Variants in RRAS2 observed in about 807,000 individuals in gnomAD.
RRAS2 encodes ras-related protein R-Ras2.
A neutral mutation model predicts 27.6 loss-of-function variants in RRAS2; 7 were observed. The observed-to-expected ratio is 0.25, with a 90% CI of 0.14 to 0.48. The LOEUF is 0.48. RRAS2 is among the 20% of genes least tolerant of loss of function. RRAS2 has a pLI of 0.99. For missense variants in RRAS2, 178 were observed against 256.2 expected, an observed-to-expected ratio of 0.69 and a Z score of 2.08; for synonymous variants, 86 against 90.9, an observed-to-expected ratio of 0.95 and a Z score of 0.31.
At chr11:14,332,242 A>C (rs1848494625) in intron 1 of RRAS2, among the ~76,000 whole-genome samples, 1 of 152,244 alleles carries the variant, frequency 6.6e-6, no homozygotes, top group Non-Finnish European at 1.5e-5. Context: ...AGCTTTATTC[A>C]CAGTTAATGA....
At chr11:14,322,365 A>G (rs1848245791) in intron 1 of RRAS2, among the ~76,000 whole-genome samples, 1 of 151,902 alleles carries the variant, frequency 6.6e-6, no homozygotes, top group South Asian at 2.1e-4. Context: ...ACTTGAGTGC[A>G]GGAGGTTGAG....
intron 1 of RRAS2, among the ~76,000 whole-genome samples, chr11:14,332,418 T>C (rs931150603): frequency 6.6e-6 from 1 of 152,146 alleles, no homozygotes; most frequent in Non-Finnish European, 1.5e-5. Flanking sequence ...GGAGGCCCAC[T>C]TGAGCCTGGG....
chr11:14,326,851 G>C lies in RRAS2; in HGVS notation c.109-30996C>G, dbSNP rs1848369431. Among the ~76,000 whole-genome samples, 2 of 17,106 alleles carry C rather than the reference G, an allele frequency of 1.2e-4. 1 individual carries two copies. The highest frequency in any genetic ancestry group is 7.0e-3 in the South Asian group (2 of 286). The allele number at this position is 17,106 out of a possible 152,430, so 11.2% of individuals were successfully genotyped here. On this transcript the variant is annotated intron_variant, in intron 1 of 5. Coordinates refer to ENST00000256196, the MANE Select transcript of RRAS2 (RefSeq NM_012250.6). Reference sequence around the variant, plus strand: ...CGAGGCGGGCGGATCACGAGGTCAGGAGATCGAGACCATCCCGGCTAAAAC... The same window carrying C: ...CGAGGCGGGCGGATCACGAGGTCAGCAGATCGAGACCATCCCGGCTAAAAC...
At chr11:14,343,639 T>TG (rs1279670481) in intron 1 of RRAS2, among the ~76,000 whole-genome samples, 3 of 151,954 alleles carry the variant, frequency 2.0e-5, no homozygotes, top group African/African-American at 7.3e-5. Context: ...GACAACAGCC[T>TG]GGGCAGCACG....
chr11:14,282,713 C>A (rs1554944512), intron 4 of RRAS2, among the ~76,000 whole-genome samples: 1 of 151,524 alleles, frequency 6.6e-6, no homozygotes, highest in Non-Finnish European at 1.5e-5. Flanking sequence ...GAATCATGTT[C>A]TTTTGGTCAT....
intron 1 of RRAS2, among the ~76,000 whole-genome samples, chr11:14,313,256 T>C (rs782209046): frequency 2.6e-5 from 4 of 152,236 alleles, no homozygotes; most frequent in East Asian, 1.9e-4. Context: ...AATTATAGCT[T>C]GTCTGTATGT....
intron 2 of RRAS2, 60 bp from the exon 3 acceptor site, chr11:14,294,922 G>GGCAA (rs1287135495): frequency 1.4e-6 from 2 of 1,431,556 alleles, no homozygotes; most frequent in Non-Finnish European, 2.0e-6. Flanking sequence ...TCCCCACAAG[G>GGCAA]GCAAGACCAA....
intron 1 of RRAS2, among the ~76,000 whole-genome samples, chr11:14,311,469 C>A (rs1847965024): frequency 6.6e-6 from 1 of 152,178 alleles, no homozygotes; most frequent in Non-Finnish European, 1.5e-5. Flanking sequence ...CTGGTTCAAG[C>A]AATTTTCCTG....
chr11:14,310,109 T>C (rs1847926320), intron 1 of RRAS2, among the ~76,000 whole-genome samples: 1 of 152,236 alleles, frequency 6.6e-6, no homozygotes, highest in Non-Finnish European at 1.5e-5. Flanking sequence ...TGGATGTAGA[T>C]ACAGAGTCTG....
At chr11:14,298,973 T>C (rs1482504936) in intron 1 of RRAS2, among the ~76,000 whole-genome samples, 1 of 152,156 alleles carries the variant, frequency 6.6e-6, no homozygotes, top group African/African-American at 2.4e-5. Flanking sequence ...TGATGAAGTG[T>C]CGTGGGTTTA....
At chr11:14,331,413 T>G (rs1017887940) in intron 1 of RRAS2, among the ~76,000 whole-genome samples, 8 of 151,970 alleles carry the variant, frequency 5.3e-5, no homozygotes, top group Non-Finnish European at 1.2e-4. Context: ...GCAAATAACA[T>G]TAAAGGAAAA....
chr11:14,316,267 C>T (rs1554949517), intron 1 of RRAS2, among the ~76,000 whole-genome samples: 1 of 152,192 alleles, frequency 6.6e-6, no homozygotes, highest in African/African-American at 2.4e-5. Context: ...TTTTACTTCA[C>T]TCACATCTGC....
intron 1 of RRAS2, among the ~76,000 whole-genome samples, chr11:14,315,191 C>G (rs1338747772): frequency 6.6e-6 from 1 of 152,154 alleles, no homozygotes; most frequent in Non-Finnish European, 1.5e-5. Flanking sequence ...AGGGTTGGGG[C>G]AGGGAGCAAC....
At chr11:14,346,673 A>G (rs561108706) in intron 1 of RRAS2, among the ~76,000 whole-genome samples, 29 of 152,370 alleles carry the variant, frequency 1.9e-4, no homozygotes, top group African/African-American at 7.0e-4. Context: ...AAAGCATAGT[A>G]ACTATAGTTA....
chr11:14,291,849 G>A (rs1355137396), intron 4 of RRAS2, among the ~76,000 whole-genome samples: 1 of 152,208 alleles, frequency 6.6e-6, no homozygotes, highest in Admixed American at 6.5e-5. Context: ...CATGGGACCA[G>A]AAGTGTTTGG....
upstream of RRAS2, among the ~76,000 whole-genome samples, chr11:14,364,111 G>T (rs1849223739): frequency 6.6e-6 from 1 of 152,152 alleles, no homozygotes; most frequent in Admixed American, 6.5e-5. Context: ...CACCACCACA[G>T]CAAGAACTCT....
At chr11:14,295,931 G>A in intron 1 of RRAS2, 76 bp from the exon 2 acceptor site, 1 of 1,316,846 alleles carries the variant, frequency 7.6e-7, no homozygotes. Context: ...CCTATGCTCT[G>A]GGAGGCCGAG....
rs1477112125 is a variant in RRAS2, at chr11:14,359,028, G to A, written c.-158C>T. ...GTCTGGAGGGCCGGTCAGCGCGGTAGCGCGGCGCTGGGGACTGGCTGGGTA... is the reference window on the plus strand; with the variant it reads ...GTCTGGAGGGCCGGTCAGCGCGGTAACGCGGCGCTGGGGACTGGCTGGGTA... On this transcript the variant is annotated 5_prime_UTR_variant, in exon 1 of 6. Transcript: ENST00000256196. 8.9e-7 allele frequency: 1 copy of A among 1,126,794 alleles called. No individual in the cohort carries two copies. The highest frequency in any genetic ancestry group is 1.7e-5 in the African/African-American group (1 of 60,570). The allele number at this position is 1,126,794 out of a possible 1,614,324, so 69.8% of individuals were successfully genotyped here. A position where few individuals can be genotyped will look rare whatever the true frequency, so the allele number is the denominator to read the frequency against.
At chr11:14,362,746 G>C (rs1564988948), upstream of RRAS2, among the ~76,000 whole-genome samples, 1 of 152,188 alleles carries the variant, frequency 6.6e-6, no homozygotes, top group South Asian at 2.1e-4. Flanking sequence ...CTAGCAAGTT[G>C]TTAGCAGGGA....
Sources: allele counts gnomAD v4.1 joint callset (sites outside exome capture counted in the v4.1 genomes callset), GRCh38; gene constraint gnomAD v4.1.1; transcripts MANE v1.5; gene names NCBI Gene and HGNC (gene_info 2026-07-23, HGNC 2026-07-21).